COG2: variants seen among roughly 807,000 people sequenced by gnomAD.
The protein encoded by COG2 is component of oligomeric golgi complex 2, also known as conserved oligomeric Golgi complex subunit 2.
Under a neutral mutation model 90.6 loss-of-function variants are expected in COG2, and 52 were observed. The observed-to-expected ratio is 0.57, with a 90% CI of 0.46 to 0.72. COG2 has a LOEUF of 0.72. Ranked by LOEUF, COG2 falls within the 30% of genes least tolerant of loss-of-function variation. The pLI is 0.00. For synonymous variants in COG2, 337 were observed against 320.4 expected (o/e 1.05, Z -0.55); for missense variants, 829 against 891.2 (o/e 0.93, Z 0.89).
intron 5 of COG2, among the ~76,000 whole-genome samples, chr1:230,664,989 G>C (rs1015664391): frequency 2.0e-5 from 3 of 152,158 alleles, no homozygotes; most frequent in Middle Eastern, 3.2e-3. Flanking sequence ...GTGTTATTAA[G>C]AAATAGTACA....
At chr1:230,643,976 C>T (rs1322987446) in intron 1 of COG2, among the ~76,000 whole-genome samples, 3 of 152,118 alleles carry the variant, frequency 2.0e-5, no homozygotes, top group African/African-American at 7.2e-5. Flanking sequence ...GCCTTGTTGA[C>T]GTCAAGAATC....
In COG2 at chr1:230,683,562, T is replaced by C. The variant is rs751769650; in HGVS notation, c.1167-12T>C. ...TCATAAACATTAATTCTTCTTCTTG[T>C]TTTTATCTCAGATTTAGAGAAATAG... On this transcript the variant is annotated splice_polypyrimidine_tract_variant and intron_variant, in intron 10 of 17. Transcript: ENST00000366669. 6.3e-7 allele frequency: 1 copy of C among 1,599,668 alleles called. No homozygotes were observed.
chr1:230,647,580 C>T (rs897648220), intron 1 of COG2, among the ~76,000 whole-genome samples: 1 of 152,094 alleles, frequency 6.6e-6, no homozygotes, highest in African/African-American at 2.4e-5. Flanking sequence ...TGGCTCTTGT[C>T]GTTTTATGTT....
At chr1:230,653,467 C>G (rs996849552) in intron 1 of COG2, among the ~76,000 whole-genome samples, 2 of 97,092 alleles carry the variant, frequency 2.1e-5, no homozygotes, top group African/African-American at 8.2e-5. Context: ...GTGAACCCCC[C>G]ACCTCAGCCT....
chr1:230,642,587 G>A lies in COG2; in HGVS notation c.-20G>A, dbSNP rs1166291116. 4 of 1,608,298 alleles carry A rather than the reference G, an allele frequency of 2.5e-6. No homozygotes were observed. The highest frequency in any genetic ancestry group is 3.4e-6 in the Non-Finnish European group (4 of 1,177,498). ...GTTTTCTCGCTTGGATCTTGGCACT[G>A]AGAGGCGGTGGCCGGCGGGATGGAG... On this transcript the variant is annotated 5_prime_UTR_variant, in exon 1 of 18. It removes the in-frame stop codon of an upstream open reading frame in the 5' UTR. Transcript: ENST00000366669.
chr1:230,687,447 CTT>C (rs958680064), intron 13 of COG2, among the ~76,000 whole-genome samples: 4 of 151,780 alleles, frequency 2.6e-5, no homozygotes, highest in Non-Finnish European at 5.9e-5. Flanking sequence ...TGCTCCCCCA[CTT>C]TTTTTTTCCC....
Position 230,668,807 on chromosome 1 carries a change from A to G in COG2, c.594+23A>G, listed in dbSNP as rs770377339. 8 of 1,460,674 alleles carry G rather than the reference A, an allele frequency of 5.5e-6. No homozygotes were observed. In the East Asian group the frequency reaches 1.2e-4, roughly 21 times the overall value. The allele number at this position is 1,460,674 out of a possible 1,614,324, so 90.5% of individuals were successfully genotyped here. On this transcript the variant is annotated intron_variant, in intron 6 of 17. Transcript: ENST00000366669. ...CCGGTAAGTGTTGTTTTGGATTTCC[A>G]CAGTTTGGTGTTTAGGGACTTGCTA... is the stretch of plus-strand genomic sequence containing the variant.
At chr1:230,662,847 C>T (rs1320922373) in intron 3 of COG2, among the ~76,000 whole-genome samples, 1 of 152,192 alleles carries the variant, frequency 6.6e-6, no homozygotes, top group Non-Finnish European at 1.5e-5. Context: ...CCCCACCAGA[C>T]ACCCTTATAC....
At chr1:230,685,042 C>T (rs757759495) in intron 11 of COG2, 43 bp from the exon 12 acceptor site, 34 of 1,607,910 alleles carry the variant, frequency 2.1e-5, no homozygotes, top group Non-Finnish European at 2.8e-5. Flanking sequence ...CCTAAAATTG[C>T]CTGAAATTCC....
At chr1:230,676,444 C>G (rs1662599443) in intron 9 of COG2, among the ~76,000 whole-genome samples, 1 of 152,166 alleles carries the variant, frequency 6.6e-6, no homozygotes, top group South Asian at 2.1e-4. Context: ...CTCGAGCCTT[C>G]TCCTGGACAA....
intron 1 of COG2, among the ~76,000 whole-genome samples, chr1:230,644,208 T>C (rs998400450): frequency 1.3e-5 from 2 of 152,212 alleles, no homozygotes; most frequent in African/African-American, 4.8e-5. Flanking sequence ...AATTGCATAT[T>C]TCGTGGCTCT....
intron 10 of COG2, chr1:230,680,718 A>C (rs1314865032): frequency 6.6e-6 from 1 of 152,212 alleles, no homozygotes; most frequent in East Asian, 1.9e-4. Context: ...GAGTTACGGA[A>C]GTGTAGAACT....
chr1:230,659,532 T>G lies in COG2; in HGVS notation c.141T>G (p.Asp47Glu). The change falls in exon 2 of 18, where the codon GAT becomes GAG. Residue 47 changes from aspartate (D) to glutamate (E), a missense_variant. By Grantham distance (45) the Asp-to-Glu change is conservative. Transcript: ENST00000366669. ...RKRVQLEELR[D>E]DLELYYKLLK... is the part of the protein sequence containing the mutation. Reference sequence around the variant, plus strand: ...GGGTCCAGCTGGAAGAACTGAGAGATGACCTGGAGCTCTACTATAAACTTC... The same window carrying G: ...GGGTCCAGCTGGAAGAACTGAGAGAGGACCTGGAGCTCTACTATAAACTTC... The G allele has an allele frequency of 6.2e-7, 1 of 1,613,926 alleles. No individual in the cohort carries two copies. The highest frequency in any genetic ancestry group is 8.5e-7 in the Non-Finnish European group (1 of 1,179,784).
At chr1:230,669,827 G>A (rs971157387) in intron 7 of COG2, 4 of 290,116 alleles carry the variant, frequency 1.4e-5, no homozygotes, top group Non-Finnish European at 1.9e-5. Context: ...TATGGGAGGC[G>A]ATGGTTCCTC....
intron 1 of COG2, among the ~76,000 whole-genome samples, chr1:230,644,459 G>A (rs1350336424): frequency 6.6e-6 from 1 of 152,198 alleles, no homozygotes; most frequent in Non-Finnish European, 1.5e-5. Flanking sequence ...GTCTCATTCA[G>A]CACATTTTGT....
At chr1:230,666,065 C>G (rs747463388) in intron 5 of COG2, among the ~76,000 whole-genome samples, 4 of 152,164 alleles carry the variant, frequency 2.6e-5, no homozygotes, top group Non-Finnish European at 5.9e-5. Flanking sequence ...ATCTCTTTAT[C>G]TGCAGACGAA....
At chr1:230,674,884 A>T (rs191414323) in intron 8 of COG2, 114 bp from the exon 9 acceptor site, 18 of 796,846 alleles carry the variant, frequency 2.3e-5, no homozygotes, top group Middle Eastern at 6.1e-4. Context: ...GTTTTTTTAA[A>T]AAGTTGAAAT....
chr1:230,653,810 G>A (rs1661976665), intron 1 of COG2, among the ~76,000 whole-genome samples: 1 of 152,076 alleles, frequency 6.6e-6, no homozygotes, highest in African/African-American at 2.4e-5. Context: ...GGCAGAAGTT[G>A]GATGGCAGGA....
At chr1:230,652,148 A>G (rs1052792415) in intron 1 of COG2, among the ~76,000 whole-genome samples, 4 of 151,986 alleles carry the variant, frequency 2.6e-5, no homozygotes, top group African/African-American at 9.7e-5. Context: ...CTGCTTTACA[A>G]ATCCCTTGTG....
Sources: gnomAD v4.1 joint callset for allele counts (sites outside exome capture counted in the v4.1 genomes callset) on GRCh38, gnomAD v4.1.1 for gene constraint, MANE v1.5 for transcripts, NCBI Gene and HGNC (gene_info 2026-07-23, HGNC 2026-07-21) for gene names.